Variants in UBE2G1 observed in about 807,000 individuals in gnomAD.
UBE2G1 encodes the protein ubiquitin-conjugating enzyme E2 G1.
A neutral mutation model predicts 22.7 loss-of-function variants in UBE2G1; 5 were observed. The observed-to-expected ratio is 0.22, with a 90% CI of 0.12 to 0.46. The LOEUF is 0.46. Among genes scored for constraint, UBE2G1 ranks in the 20% least tolerant of loss-of-function variants. The probability of loss-of-function intolerance (pLI) is 0.99; values close to 1 mark genes in which losing one functional copy is unlikely to be tolerated. For synonymous variants in UBE2G1, 74 were observed against 67.5 expected, an observed-to-expected ratio of 1.10 and a Z score of -0.47; for missense variants, 88 against 203.9, an observed-to-expected ratio of 0.43 and a Z score of 3.46.
intron 1 of UBE2G1, among the ~76,000 whole-genome samples, chr17:4,332,641 T>G (rs545639317): frequency 6.6e-5 from 10 of 152,176 alleles, no homozygotes; most frequent in Non-Finnish European, 1.3e-4. Context: ...AGCATCTCTC[T>G]CCAACCTTCA....
At chr17:4,330,619 C>T (rs908814425) in intron 1 of UBE2G1, among the ~76,000 whole-genome samples, 8 of 151,670 alleles carry the variant, frequency 5.3e-5, no homozygotes, top group Non-Finnish European at 7.4e-5. Flanking sequence ...TGCCTGTAAT[C>T]CCAGCTGCTT....
chr17:4,325,002 A>G (rs1000537021), intron 1 of UBE2G1, among the ~76,000 whole-genome samples: 23 of 151,960 alleles, frequency 1.5e-4, no homozygotes, highest in African/African-American at 5.3e-4. Flanking sequence ...GCGTGAACCC[A>G]GGAGGCAAAG....
chr17:4,296,785 G>GT lies in UBE2G1; in HGVS notation c.178dup (p.Thr60AsnfsTer12). The GT allele has an allele frequency of 1.2e-6, 2 of 1,613,906 alleles. No homozygotes were observed. The highest frequency in any genetic ancestry group is 1.7e-6 in the Non-Finnish European group (2 of 1,179,890). On this transcript the variant is annotated frameshift_variant, in exon 3 of 6. Coordinates refer to ENST00000396981, the MANE Select transcript of UBE2G1 (RefSeq NM_003342.5). LOFTEE classifies it high-confidence loss of function. ...TCGGAGGGGATAATCTTTTGGGAAA[G>GT]TAAGATGAGCCTTAAAAACACCACC...
intron 1 of UBE2G1, among the ~76,000 whole-genome samples, chr17:4,365,882 A>G (rs1970028060): frequency 6.6e-6 from 1 of 152,022 alleles, no homozygotes. Context: ...CGGACGCTCC[A>G]GCCGGCCCCG....
chr17:4,302,138 C>G, intron 2 of UBE2G1: 1 of 523,816 alleles, frequency 1.9e-6, no homozygotes. Context: ...ATTGTGTTGC[C>G]ATGTTCCCTT....
At chr17:4,334,071 T>G (rs1052163128) in intron 1 of UBE2G1, among the ~76,000 whole-genome samples, 2 of 144,736 alleles carry the variant, frequency 1.4e-5, no homozygotes, top group African/African-American at 5.0e-5. Flanking sequence ...ATTTCCATGG[T>G]TTTTTTTTTT....
chr17:4,282,735 A>T (rs1458456472), intron 5 of UBE2G1, 63 bp downstream of exon 5: 1 of 1,107,084 alleles, frequency 9.0e-7, no homozygotes, highest in East Asian at 2.6e-5. Flanking sequence ...AAATCACACA[A>T]TTTCCAAAAA....
chr17:4,298,718 A>C (rs1232171940), intron 2 of UBE2G1, among the ~76,000 whole-genome samples: 1 of 152,236 alleles, frequency 6.6e-6, no homozygotes. Context: ...CTTAAGCATA[A>C]TAAACAGGAC....
intron 1 of UBE2G1, among the ~76,000 whole-genome samples, chr17:4,314,481 T>C (rs971364650): frequency 1.3e-5 from 2 of 152,218 alleles, no homozygotes; most frequent in African/African-American, 4.8e-5. Context: ...TGGGAAACCA[T>C]TTTGTTATTC....
chr17:4,315,395 T>C (rs977532813), intron 1 of UBE2G1, among the ~76,000 whole-genome samples: 2 of 152,124 alleles, frequency 1.3e-5, no homozygotes, highest in Non-Finnish European at 2.9e-5. Context: ...ATTCTCAGAA[T>C]AACATTCCAA....
intron 1 of UBE2G1, among the ~76,000 whole-genome samples, chr17:4,333,684 G>A (rs879384042): frequency 6.6e-6 from 1 of 152,044 alleles, no homozygotes; most frequent in African/African-American, 2.4e-5. Flanking sequence ...AGATGGGTGT[G>A]GTGGCACGCA....
At chr17:4,305,667 G>A (rs769177199) in intron 2 of UBE2G1, among the ~76,000 whole-genome samples, 16 of 152,128 alleles carry the variant, frequency 1.1e-4, no homozygotes, top group Non-Finnish European at 1.9e-4. Flanking sequence ...TCAGCCTCCT[G>A]AGCAGCTGGG....
intron 1 of UBE2G1, among the ~76,000 whole-genome samples, chr17:4,315,845 A>C (rs76988903): frequency 8.0e-6 from 1 of 125,102 alleles, no homozygotes; most frequent in Admixed American, 8.3e-5. Context: ...CTCGCTCTGT[A>C]GCCCAGGCTG....
At chr17:4,282,276 T>C (rs945287038) in intron 5 of UBE2G1, among the ~76,000 whole-genome samples, 4 of 150,400 alleles carry the variant, frequency 2.7e-5, no homozygotes, top group African/African-American at 7.4e-5. Flanking sequence ...AGAGGGGAGG[T>C]TTCACCATGT....
chr17:4,362,239 CCTAT>C (rs1346406305), intron 1 of UBE2G1, among the ~76,000 whole-genome samples: 1 of 152,144 alleles, frequency 6.6e-6, no homozygotes, highest in African/African-American at 2.4e-5. Context: ...AAATACACAA[CCTAT>C]CTGATTTCAT....
chr17:4,348,329 G>A (rs979779756), intron 1 of UBE2G1, among the ~76,000 whole-genome samples: 12 of 146,924 alleles, frequency 8.2e-5, no homozygotes, highest in African/African-American at 2.8e-4. Flanking sequence ...CGAGGCGGGC[G>A]GATCACGAGG....
At position 4,270,873 on chromosome 17, in the gene UBE2G1, A is replaced by G. The variant is rs1968749835; in HGVS notation, c.*1681T>C. 6.6e-6 allele frequency: 1 copy of G among 152,198 alleles called. No homozygotes were observed. The highest frequency in any genetic ancestry group is 6.5e-5 in the Admixed American group (1 of 15,270). The allele number at this position is 152,198 out of a possible 1,614,324, so 9.4% of individuals were successfully genotyped here. ...TATTTCTGCTTAAAAAAGGACATAC[A>G]ACGTTTGTAGAGGTCTGGGCTCTTG... On this transcript the variant is annotated 3_prime_UTR_variant, in exon 6 of 6. Coordinates refer to ENST00000396981, the MANE Select transcript of UBE2G1 (RefSeq NM_003342.5).
intron 5 of UBE2G1, among the ~76,000 whole-genome samples, 167 bp downstream of exon 5, chr17:4,282,631 A>C (rs966393261): frequency 6.6e-6 from 1 of 152,208 alleles, no homozygotes. Flanking sequence ...TCTTAGGAGA[A>C]AAGCAAGCAG....
intron 1 of UBE2G1, among the ~76,000 whole-genome samples, chr17:4,310,373 G>T (rs1199125557): frequency 6.6e-6 from 1 of 151,984 alleles, no homozygotes; most frequent in Non-Finnish European, 1.5e-5. Flanking sequence ...CAAAAAAGAA[G>T]GGCACATAAC....
Sources: gnomAD v4.1 joint callset for allele counts (sites outside exome capture counted in the v4.1 genomes callset) on GRCh38, gnomAD v4.1.1 for gene constraint, MANE v1.5 for transcripts, NCBI Gene and HGNC (gene_info 2026-07-23, HGNC 2026-07-21) for gene names.